The following FBN2 variants were observed in gnomAD, a reference collection of about 807,000 sequenced individuals.
FBN2 encodes the protein fibrillin 2, also known as fibrillin-2.
FBN2 carries 105 observed loss-of-function variants against 355.6 expected under a neutral mutation model. The observed-to-expected ratio is 0.30, with a 90% CI of 0.25 to 0.35. The LOEUF is 0.35. Among genes scored for constraint, FBN2 ranks in the 10% least tolerant of loss-of-function variants. The pLI is 1.00. For missense variants in FBN2, 3,280 were observed against 3,758.7 expected, an observed-to-expected ratio of 0.87 and a Z score of 3.33; for synonymous variants, 1,350 against 1,301.2, an observed-to-expected ratio of 1.04 and a Z score of -0.81.
At chr5:128,432,794 T>C (rs538394175) in intron 7 of FBN2, among the ~76,000 whole-genome samples, 5 of 152,272 alleles carry the variant, frequency 3.3e-5, no homozygotes, top group South Asian at 2.1e-4. Context: ...CACACTGCTA[T>C]AAAGAGCTCC....
intron 63 of FBN2, 124 bp from the exon 64 acceptor site, chr5:128,262,031 A>T: frequency 1.3e-6 from 1 of 795,486 alleles, no homozygotes; most frequent in Admixed American, 1.8e-5. Flanking sequence ...ATAAACATAA[A>T]ACCCTAATAT....
At chr5:128,345,118 T>C (rs1751138788) in intron 24 of FBN2, among the ~76,000 whole-genome samples, 1 of 152,204 alleles carries the variant, frequency 6.6e-6, no homozygotes, top group African/African-American at 2.4e-5. Flanking sequence ...GGGCGACATC[T>C]CCGGTTGCAG....
intron 18 of FBN2, among the ~76,000 whole-genome samples, 163 bp from the exon 19 acceptor site, chr5:128,362,011 T>C (rs1221592992): frequency 1.3e-5 from 2 of 152,226 alleles, no homozygotes; most frequent in Non-Finnish European, 2.9e-5. Flanking sequence ...TATATTTAGT[T>C]TTATTCAAAT....
chr5:128,495,258 A>G (rs1755625110), intron 5 of FBN2, among the ~76,000 whole-genome samples: 1 of 152,130 alleles, frequency 6.6e-6, no homozygotes, highest in African/African-American at 2.4e-5. Context: ...TTTGAAAAGC[A>G]GAGGAAAAAA....
chr5:128,419,460 A>G (rs1025917169), intron 7 of FBN2, among the ~76,000 whole-genome samples: 1 of 152,168 alleles, frequency 6.6e-6, no homozygotes, highest in Non-Finnish European at 1.5e-5. Flanking sequence ...GATGCCCTCT[A>G]TAAAGTTGAG....
chr5:128,351,124 T>C, intron 20 of FBN2, 119 bp from the exon 21 acceptor site: 1 of 1,214,630 alleles, frequency 8.2e-7, no homozygotes, highest in Middle Eastern at 1.9e-4. Flanking sequence ...GGCTCACGCC[T>C]GTAATCCCAG....
chr5:128,467,932 T>G (rs1754756379), intron 5 of FBN2, among the ~76,000 whole-genome samples: 1 of 152,228 alleles, frequency 6.6e-6, no homozygotes, highest in African/African-American at 2.4e-5. Flanking sequence ...CTTTGGCTGC[T>G]AATTGTTTTG....
chr5:128,284,115 A>T (rs1749067276), intron 55 of FBN2, among the ~76,000 whole-genome samples: 1 of 152,210 alleles, frequency 6.6e-6, no homozygotes, highest in East Asian at 1.9e-4. Flanking sequence ...GCAGCCAGAT[A>T]TCTTTAAAAA....
chr5:128,498,969 A>G (rs1405417722), intron 5 of FBN2, among the ~76,000 whole-genome samples: 1 of 152,182 alleles, frequency 6.6e-6, no homozygotes, highest in Non-Finnish European at 1.5e-5. Flanking sequence ...TTATTTTTAA[A>G]GTTTATTTGG....
chr5:128,522,316 G>A (rs59553087), intron 4 of FBN2, among the ~76,000 whole-genome samples: 2 of 152,026 alleles, frequency 1.3e-5, no homozygotes, highest in Admixed American at 6.6e-5. Flanking sequence ...AAAATTTCAC[G>A]GCATTTTTTC....
intron 5 of FBN2, among the ~76,000 whole-genome samples, chr5:128,486,522 T>A (rs557470028): frequency 6.6e-6 from 1 of 152,312 alleles, no homozygotes; most frequent in East Asian, 1.9e-4. Flanking sequence ...GTTGTTCTTG[T>A]ATGTCTTCAA....
At chr5:128,366,512 A>G in intron 16 of FBN2, 82 bp from the exon 17 acceptor site, 1 of 760,916 alleles carries the variant, frequency 1.3e-6, no homozygotes, top group Non-Finnish European at 2.2e-6. Context: ...CTCCAAAACT[A>G]CCATTAGGAA....
rs774208215 is a variant in FBN2 at position 128,364,687 on chromosome 5, T to C, written c.2341A>G (p.Asn781Asp). Reference protein sequence around the residue: ...ECALDPDICANGICENLRGSY... With the variant: ...ECALDPDICADGICENLRGSY... ...CCACGTAAGTTTTCACAAATCCCAT[T>C]GGCACATATATCAGGATCCAAAGCA... The change falls in exon 18 of 65, where the codon AAT becomes GAT. Residue 781 changes from asparagine to aspartate, a missense_variant. Physicochemically the swap from Asn to Asp is conservative, Grantham distance 23 (BLOSUM62 1). Coordinates refer to ENST00000262464, the MANE Select transcript of FBN2 (RefSeq NM_001999.4). The C allele has an allele frequency of 1.2e-6, 2 of 1,613,118 alleles. No individual in the cohort carries two copies. The highest frequency in any genetic ancestry group is 1.1e-5 in the South Asian group (1 of 91,046).
chr5:128,470,169 G>A (rs1256391947), intron 5 of FBN2, among the ~76,000 whole-genome samples: 3 of 152,194 alleles, frequency 2.0e-5, no homozygotes, highest in African/African-American at 4.8e-5. Flanking sequence ...ACAGGAGATT[G>A]TACTCCCACA....
At chr5:128,422,944 A>C (rs183730766) in intron 7 of FBN2, among the ~76,000 whole-genome samples, 2 of 152,310 alleles carry the variant, frequency 1.3e-5, no homozygotes, top group Admixed American at 1.3e-4. Flanking sequence ...TAAAAGATAA[A>C]TATTTCTTTA....
At chr5:128,504,592 T>C (rs923870962) in intron 5 of FBN2, among the ~76,000 whole-genome samples, 1 of 152,206 alleles carries the variant, frequency 6.6e-6, no homozygotes, top group African/African-American at 2.4e-5. Flanking sequence ...GCATGAGGCT[T>C]GTAGCCCCTT....
Position 128,263,807 on chromosome 5 carries a change from C to T in FBN2, c.7961-151G>A, listed in dbSNP as rs190604185. 194 of 626,460 alleles carry T rather than the reference C, an allele frequency of 3.1e-4. No individual in the cohort carries two copies. The African/African-American group carries it at 3.3e-3, about 11-fold the overall frequency. 38.8% of individuals were successfully genotyped at this position (626,460 alleles called of 1,614,324 possible). A position where few individuals can be genotyped will look rare whatever the true frequency, so the allele number is the denominator to read the frequency against. ...ATTCTGACGACTGATTTGCAAAGCA[C>T]GTGAATGAAAAAAATTCCCCTAAAT... On this transcript the variant is annotated intron_variant, in intron 62 of 64. Transcript: ENST00000262464.
intron 33 of FBN2, 146 bp from the exon 34 acceptor site, chr5:128,328,967 G>A: frequency 2.5e-6 from 2 of 804,822 alleles, no homozygotes; most frequent in Non-Finnish European, 4.2e-6. Context: ...CTTAAAGGAG[G>A]GTATCAACCT....
At chr5:128,454,908 C>G (rs916418668) in intron 6 of FBN2, among the ~76,000 whole-genome samples, 3 of 152,160 alleles carry the variant, frequency 2.0e-5, no homozygotes, top group Non-Finnish European at 4.4e-5. Flanking sequence ...GATGAAATTT[C>G]ACAAACAATT....
Sources: allele counts gnomAD v4.1 joint callset (sites outside exome capture counted in the v4.1 genomes callset), GRCh38; gene constraint gnomAD v4.1.1; transcripts MANE v1.5; gene names NCBI Gene and HGNC (gene_info 2026-07-23, HGNC 2026-07-21).